The following CLEC16A variants were observed in gnomAD, a reference collection of about 807,000 sequenced individuals.
The protein encoded by CLEC16A is C-type lectin domain containing 16A.
CLEC16A carries 51 observed loss-of-function variants against 109.5 expected under a neutral mutation model. That is an observed-to-expected ratio of 0.47 (90% confidence interval 0.37 to 0.59). The LOEUF is 0.59. CLEC16A is among the 20% of genes least tolerant of loss of function. The pLI is 0.00. For missense variants in CLEC16A, 1,339 were observed against 1,394.0 expected, an observed-to-expected ratio of 0.96 and a Z score of 0.63; for synonymous variants, 673 against 564.2, an observed-to-expected ratio of 1.19 and a Z score of -2.73.
intron 22 of CLEC16A, among the ~76,000 whole-genome samples, chr16:11,149,607 C>T (rs1446673085): frequency 6.6e-6 from 1 of 152,086 alleles, no homozygotes; most frequent in Non-Finnish European, 1.5e-5. Context: ...GCCTGAGCAA[C>T]ATGGCAAAAC....
At chr16:11,099,576 AG>A (rs1248484186) in intron 19 of CLEC16A, among the ~76,000 whole-genome samples, 2 of 152,242 alleles carry the variant, frequency 1.3e-5, no homozygotes, top group Admixed American at 6.5e-5. Context: ...GCTGTCTAGC[AG>A]GTGGGGTAAA....
At chr16:11,087,288 C>T (rs1199196610) in intron 19 of CLEC16A, among the ~76,000 whole-genome samples, 1 of 151,920 alleles carries the variant, frequency 6.6e-6, no homozygotes, top group East Asian at 1.9e-4. Flanking sequence ...CCCCTGCCTG[C>T]CCACAGAGCC....
intron 3 of CLEC16A, among the ~76,000 whole-genome samples, chr16:10,963,091 T>G (rs1191790015): frequency 2.0e-5 from 3 of 151,926 alleles, no homozygotes; most frequent in Non-Finnish European, 4.4e-5. Flanking sequence ...AAGATCAAGT[T>G]GCCAGCAGGG....
chr16:11,121,187 G>A (rs1217553605), intron 20 of CLEC16A, among the ~76,000 whole-genome samples: 1 of 152,204 alleles, frequency 6.6e-6, no homozygotes, highest in Non-Finnish European at 1.5e-5. Flanking sequence ...AATATCAATA[G>A]TGTGTCTTGG....
At chr16:11,012,369 G>T (rs2045474733) in intron 11 of CLEC16A, among the ~76,000 whole-genome samples, 3 of 152,172 alleles carry the variant, frequency 2.0e-5, no homozygotes, top group Admixed American at 6.5e-5. Context: ...GCCGAGGTGG[G>T]CGGATCATGA....
chr16:11,027,506 G>A, intron 13 of CLEC16A: 2 of 1,584,354 alleles, frequency 1.3e-6, no homozygotes, highest in South Asian at 1.1e-5. Flanking sequence ...CCAAGGTCAA[G>A]AGTAAGACCA....
intron 19 of CLEC16A, among the ~76,000 whole-genome samples, chr16:11,064,651 C>A (rs2048667400): frequency 6.6e-6 from 1 of 152,162 alleles, no homozygotes; most frequent in Non-Finnish European, 1.5e-5. Flanking sequence ...GTGGCAGATA[C>A]CTGTAGTCCC....
chr16:10,944,912 G>A, intron 1 of CLEC16A, 115 bp downstream of exon 1: 2 of 1,023,352 alleles, frequency 2.0e-6, no homozygotes, highest in Non-Finnish European at 2.9e-6. Flanking sequence ...GCCCGGGGAA[G>A]CCCGTGTGGT....
intron 14 of CLEC16A, chr16:11,040,162 G>T (rs955745622): frequency 2.6e-6 from 1 of 378,882 alleles, no homozygotes; most frequent in Non-Finnish European, 4.7e-6. Context: ...CAATGTTTTC[G>T]CCCCCACCCC....
At chr16:11,100,618 A>G (rs983657076) in intron 19 of CLEC16A, among the ~76,000 whole-genome samples, 1 of 152,150 alleles carries the variant, frequency 6.6e-6, no homozygotes. Flanking sequence ...GGAAGATAAC[A>G]TTAGCAGCAC....
intron 22 of CLEC16A, among the ~76,000 whole-genome samples, chr16:11,129,688 C>T (rs1054279101): frequency 6.6e-5 from 10 of 152,128 alleles, no homozygotes; most frequent in Non-Finnish European, 8.8e-5. Flanking sequence ...GTTTGTGTGC[C>T]GCCTCTTCAG....
intron 22 of CLEC16A, among the ~76,000 whole-genome samples, chr16:11,158,809 A>C (rs925071291): frequency 3.9e-5 from 6 of 152,066 alleles, no homozygotes; most frequent in African/African-American, 1.4e-4. Flanking sequence ...AGTCCCAGCT[A>C]CTTGGGAGAC....
At chr16:11,009,915 A>T (rs1199291301) in intron 11 of CLEC16A, among the ~76,000 whole-genome samples, 1 of 152,160 alleles carries the variant, frequency 6.6e-6, no homozygotes, top group Non-Finnish European at 1.5e-5. Flanking sequence ...GCACTTCGGG[A>T]GGCCAACACA....
intron 22 of CLEC16A, among the ~76,000 whole-genome samples, chr16:11,165,020 G>C (rs2068195966): frequency 6.6e-6 from 1 of 152,110 alleles, no homozygotes; most frequent in South Asian, 2.1e-4. Context: ...TCAGCTGGAA[G>C]GAGGACTCGC....
chr16:11,103,864 C>G (rs1419661569), intron 19 of CLEC16A, among the ~76,000 whole-genome samples: 1 of 152,214 alleles, frequency 6.6e-6, no homozygotes, highest in African/African-American at 2.4e-5. Flanking sequence ...CCGGTTCCAT[C>G]TATGAAGCCT....
chr16:11,124,051 C>T, intron 21 of CLEC16A, 105 bp downstream of exon 21: 2 of 1,007,736 alleles, frequency 2.0e-6, no homozygotes, highest in African/African-American at 1.6e-5. Flanking sequence ...TAGAAGAAGA[C>T]ACGTATGATT....
intron 10 of CLEC16A, among the ~76,000 whole-genome samples, chr16:10,989,650 A>C (rs1026233617): frequency 6.6e-6 from 1 of 152,150 alleles, no homozygotes; most frequent in African/African-American, 2.4e-5. Context: ...AAGGACATTG[A>C]CAGTCTGTCT....
At chr16:10,955,575 A>T (rs761063243) in intron 1 of CLEC16A, among the ~76,000 whole-genome samples, 5 of 152,228 alleles carry the variant, frequency 3.3e-5, no homozygotes, top group African/African-American at 4.8e-5. Flanking sequence ...AAGGACAGCA[A>T]GGGCATTCTA....
intron 11 of CLEC16A, among the ~76,000 whole-genome samples, chr16:11,006,679 A>G (rs533968970): frequency 1.3e-5 from 2 of 152,280 alleles, no homozygotes; most frequent in Admixed American, 1.3e-4. Context: ...CCATGACCCA[A>G]TTTGGATATG....
Sources: gnomAD v4.1 joint callset for allele counts (sites outside exome capture counted in the v4.1 genomes callset) on GRCh38, gnomAD v4.1.1 for gene constraint, MANE v1.5 for transcripts, NCBI Gene and HGNC (gene_info 2026-07-23, HGNC 2026-07-21) for gene names.